Variants in PTPRM observed in about 807,000 individuals in gnomAD.
The protein encoded by PTPRM is protein tyrosine phosphatase receptor type M.
Under a neutral mutation model 186.7 loss-of-function variants are expected in PTPRM, and 47 were observed. That is an observed-to-expected ratio of 0.25 (90% CI 0.20 to 0.32). The LOEUF (loss-of-function observed/expected upper bound fraction) is 0.32, where lower values mean the gene tolerates loss of function less well. Ranked by LOEUF, PTPRM falls within the 10% of genes least tolerant of loss-of-function variation. PTPRM has a pLI of 1.00. For synonymous variants in PTPRM, 668 were observed against 674.9 expected, an observed-to-expected ratio of 0.99 and a Z score of 0.16; for missense variants, 1,494 against 1,865.0, an observed-to-expected ratio of 0.80 and a Z score of 3.66.
intron 7 of PTPRM, among the ~76,000 whole-genome samples, chr18:7,983,314 G>T (rs2082658501): frequency 6.6e-6 from 1 of 152,048 alleles, no homozygotes; most frequent in Non-Finnish European, 1.5e-5. Context: ...AGTGCCTGAT[G>T]ATCTGAGGGG....
intron 2 of PTPRM, among the ~76,000 whole-genome samples, chr18:7,824,479 G>GCATTTTAT (rs1397615330): frequency 6.6e-6 from 1 of 152,160 alleles, no homozygotes; most frequent in Non-Finnish European, 1.5e-5. Flanking sequence ...TTATTTGTAA[G>GCATTTTAT]AAGAGATCTT....
intron 14 of PTPRM, among the ~76,000 whole-genome samples, chr18:8,169,614 G>A (rs919917736): frequency 5.3e-5 from 8 of 152,058 alleles, no homozygotes; most frequent in African/African-American, 7.2e-5. Flanking sequence ...ATGAGATTCC[G>A]TATAATTCAT....
chr18:7,885,941 T>C (rs1418720716), intron 2 of PTPRM, among the ~76,000 whole-genome samples: 1 of 152,234 alleles, frequency 6.6e-6, no homozygotes, highest in Non-Finnish European at 1.5e-5. Context: ...CTCTGAGTGC[T>C]TCACAGGATG....
intron 1 of PTPRM, among the ~76,000 whole-genome samples, chr18:7,635,982 C>T (rs1209160510): frequency 6.6e-6 from 1 of 152,104 alleles, no homozygotes; most frequent in African/African-American, 2.4e-5. Flanking sequence ...ACTTATTTGG[C>T]CATTTGTTTG....
At chr18:8,119,476 A>C (rs928623616) in intron 13 of PTPRM, among the ~76,000 whole-genome samples, 1 of 152,316 alleles carries the variant, frequency 6.6e-6, no homozygotes, top group Non-Finnish European at 1.5e-5. Context: ...ATATAGCAAG[A>C]CCACTCATAT....
intron 19 of PTPRM, among the ~76,000 whole-genome samples, chr18:8,264,148 A>C (rs1036197418): frequency 3.9e-5 from 6 of 152,132 alleles, no homozygotes; most frequent in Non-Finnish European, 5.9e-5. Context: ...GTGTGGAAAA[A>C]TCCTGCACGT....
At chr18:8,262,668 A>G (rs546150379) in intron 19 of PTPRM, among the ~76,000 whole-genome samples, 1 of 152,276 alleles carries the variant, frequency 6.6e-6, no homozygotes, top group Non-Finnish European at 1.5e-5. Context: ...CTACAGTCTC[A>G]CAGCTCTGTG....
At chr18:7,744,359 A>G (rs905982111) in intron 1 of PTPRM, among the ~76,000 whole-genome samples, 18 of 151,928 alleles carry the variant, frequency 1.2e-4, no homozygotes, top group South Asian at 6.2e-4. Context: ...AAAAGGTTCA[A>G]TTATTCTGTA....
chr18:8,332,630 T>G (rs16953287), intron 22 of PTPRM, among the ~76,000 whole-genome samples: 13,693 of 152,124 alleles, frequency 0.09, 1,968 homozygotes, highest in African/African-American at 0.3. Flanking sequence ...AGTGTATGCC[T>G]GATTTTAGGT....
At chr18:8,379,136 T>A in intron 27 of PTPRM, 31 bp from the exon 28 acceptor site, 1 of 1,542,678 alleles carries the variant, frequency 6.5e-7, no homozygotes. Flanking sequence ...CAAGGCTTCT[T>A]GTCCTCATGT....
At chr18:7,732,178 C>T (rs2144407780) in intron 1 of PTPRM, among the ~76,000 whole-genome samples, 1 of 152,238 alleles carries the variant, frequency 6.6e-6, no homozygotes, top group East Asian at 1.9e-4. Flanking sequence ...CTCTGTCTTC[C>T]TAATGTGGCA....
intron 2 of PTPRM, among the ~76,000 whole-genome samples, chr18:7,831,649 T>C (rs1349279680): frequency 6.6e-6 from 1 of 152,166 alleles, no homozygotes; most frequent in Non-Finnish European, 1.5e-5. Context: ...TATCTTTAAA[T>C]GTACAATTAA....
intron 4 of PTPRM, among the ~76,000 whole-genome samples, chr18:7,924,377 T>G (rs1471116789): frequency 6.6e-6 from 1 of 152,224 alleles, no homozygotes; most frequent in Non-Finnish European, 1.5e-5. Flanking sequence ...GAAATTTGTT[T>G]AAATTTCCTT....
At chr18:7,679,664 C>T (rs982452672) in intron 1 of PTPRM, among the ~76,000 whole-genome samples, 3 of 151,648 alleles carry the variant, frequency 2.0e-5, no homozygotes, top group East Asian at 2.0e-4. Context: ...GACTCTGTCT[C>T]AAAAACAAAC....
Position 8,344,446 on chromosome 18 carries a change from G to A in PTPRM, c.3054+926G>A, listed in dbSNP as rs12326403. On this transcript the variant is annotated intron_variant, in intron 23 of 32. Transcript: ENST00000580170. ...GATATATATATGTGTGTGTGTGTGT[G>A]TGTATATATATATATATATATATAT... 8.3e-3 allele frequency among the ~76,000 whole-genome samples: 138 copies of A among 16,586 alleles called. 1 individual carries two copies. Among genetic ancestry groups the A allele is most frequent in the East Asian group, 0.023 (19 of 832 alleles). The allele number at this position is 16,586 out of a possible 152,430, so 10.9% of individuals were successfully genotyped here. A position where few individuals can be genotyped will look rare whatever the true frequency, so the allele number is the denominator to read the frequency against.
At chr18:7,794,476 G>A (rs1235377852) in intron 2 of PTPRM, among the ~76,000 whole-genome samples, 2 of 152,234 alleles carry the variant, frequency 1.3e-5, no homozygotes, top group African/African-American at 4.8e-5. Context: ...ATGATGTTGA[G>A]TTCCACCTGG....
At chr18:8,324,898 C>CT (rs1270038422) in intron 22 of PTPRM, among the ~76,000 whole-genome samples, 2 of 152,204 alleles carry the variant, frequency 1.3e-5, no homozygotes, top group Non-Finnish European at 2.9e-5. Context: ...TTGGGGATTA[C>CT]TTTAACTCAT....
At chr18:8,182,623 C>G (rs1190605451) in intron 14 of PTPRM, among the ~76,000 whole-genome samples, 1 of 152,170 alleles carries the variant, frequency 6.6e-6, no homozygotes, top group Non-Finnish European at 1.5e-5. Context: ...AAACAGGAAT[C>G]TTTATTTTTA....
chr18:8,194,163 A>C (rs2093744732), intron 14 of PTPRM, among the ~76,000 whole-genome samples: 1 of 152,166 alleles, frequency 6.6e-6, no homozygotes, highest in Non-Finnish European at 1.5e-5. Flanking sequence ...ATATGTTTAG[A>C]ATCTTTAATT....
Sources: allele counts gnomAD v4.1 joint callset (sites outside exome capture counted in the v4.1 genomes callset), GRCh38; gene constraint gnomAD v4.1.1; transcripts MANE v1.5; gene names NCBI Gene and HGNC (gene_info 2026-07-23, HGNC 2026-07-21).